GRIN2A: variants seen among roughly 807,000 people sequenced by gnomAD.
GRIN2A encodes glutamate receptor ionotropic, NMDA 2A.
A neutral mutation model predicts 113.4 loss-of-function variants in GRIN2A; 22 were observed. That is an observed-to-expected ratio of 0.19 (90% CI 0.14 to 0.28). The LOEUF is 0.28. GRIN2A is among the 10% of genes least tolerant of loss of function. The pLI is 1.00. For missense variants in GRIN2A, 1,502 were observed against 1,887.0 expected, an observed-to-expected ratio of 0.80 and a Z score of 3.78; for synonymous variants, 827 against 738.4, an observed-to-expected ratio of 1.12 and a Z score of -1.94.
chr16:9,905,957 C>A (rs1160718466), intron 3 of GRIN2A, among the ~76,000 whole-genome samples: 1 of 152,148 alleles, frequency 6.6e-6, no homozygotes, highest in East Asian at 1.9e-4. Flanking sequence ...TTTAAAAGGT[C>A]TAGTAAAGCC....
chr16:9,902,982 T>TG (rs2043960899), intron 3 of GRIN2A, among the ~76,000 whole-genome samples: 2 of 7,248 alleles, frequency 2.8e-4, no homozygotes, highest in Non-Finnish European at 5.4e-4. Flanking sequence ...GGGGGGTGGG[T>TG]GGGGGTGACG....
chr16:9,798,535 T>G, intron 10 of GRIN2A, 71 bp from the exon 11 acceptor site: 1 of 1,163,128 alleles, frequency 8.6e-7, no homozygotes, highest in Non-Finnish European at 1.3e-6. Context: ...TCCTGAGGCC[T>G]GATCCTGAAA....
At chr16:10,128,687 T>C (rs973859017) in intron 2 of GRIN2A, among the ~76,000 whole-genome samples, 1 of 152,338 alleles carries the variant, frequency 6.6e-6, no homozygotes, top group African/African-American at 2.4e-5. Context: ...CCCTCCTTTA[T>C]AAATATCTTT....
intron 2 of GRIN2A, among the ~76,000 whole-genome samples, chr16:9,954,446 T>C (rs1306656539): frequency 6.6e-6 from 1 of 152,170 alleles, no homozygotes; most frequent in Non-Finnish European, 1.5e-5. Context: ...TGATGTCTCC[T>C]CAAGGATTTG....
At position 9,858,426 on chromosome 16, in the gene GRIN2A, C is replaced by A. The variant is rs189683864; in HGVS notation, c.1123-8465G>T. 1.7e-3 allele frequency among the ~76,000 whole-genome samples: 254 copies of A among 151,942 alleles called. 3 individuals are homozygous for A. Among genetic ancestry groups the A allele is most frequent in the Non-Finnish European group, 2.8e-3 (192 of 67,966 alleles). Reference sequence around the variant, plus strand: ...TGGTACTTAAAAGCAGTTCTCAATTCAACAAAATAGGTTGTGTGGGAGGAG... The same window carrying A: ...TGGTACTTAAAAGCAGTTCTCAATTAAACAAAATAGGTTGTGTGGGAGGAG... On this transcript the variant is annotated intron_variant, in intron 4 of 12. Coordinates refer to ENST00000330684, the MANE Select transcript of GRIN2A (RefSeq NM_001134407.3).
chr16:10,103,136 T>C (rs1412453569), intron 2 of GRIN2A, among the ~76,000 whole-genome samples: 2 of 151,784 alleles, frequency 1.3e-5, no homozygotes, highest in Non-Finnish European at 2.9e-5. Flanking sequence ...GAGGAATAGA[T>C]ACTATCAGCA....
intron 4 of GRIN2A, among the ~76,000 whole-genome samples, chr16:9,855,589 G>A (rs1662123626): frequency 6.6e-6 from 1 of 152,168 alleles, no homozygotes; most frequent in Non-Finnish European, 1.5e-5. Context: ...GGTCTTTCAG[G>A]TATAGCACTC....
intron 2 of GRIN2A, among the ~76,000 whole-genome samples, chr16:10,068,978 C>T (rs1457526270): frequency 6.6e-5 from 10 of 152,120 alleles, no homozygotes; most frequent in African/African-American, 2.2e-4. Context: ...AGCACAGGTG[C>T]GTGGTGGGGA....
chr16:9,987,764 G>C (rs1455917682), intron 2 of GRIN2A, among the ~76,000 whole-genome samples: 1 of 152,136 alleles, frequency 6.6e-6, no homozygotes, highest in East Asian at 1.9e-4. Context: ...GAGGATCTAG[G>C]TTGAACTCAG....
At chr16:9,838,197 G>T (rs9938117) in intron 7 of GRIN2A, among the ~76,000 whole-genome samples, 39,632 of 152,040 alleles carry the variant, frequency 0.26, 5,310 homozygotes, top group African/African-American at 0.3. Context: ...AAAAATATAA[G>T]AAAGTTAGTT....
At chr16:10,155,918 C>A (rs2049684250) in intron 2 of GRIN2A, among the ~76,000 whole-genome samples, 1 of 152,142 alleles carries the variant, frequency 6.6e-6, no homozygotes, top group South Asian at 2.1e-4. Flanking sequence ...ATGGAAGCTA[C>A]AATTCAAGGT....
chr16:9,883,607 G>T (rs538724308), intron 4 of GRIN2A, among the ~76,000 whole-genome samples: 64 of 152,172 alleles, frequency 4.2e-4, no homozygotes, highest in Non-Finnish European at 8.7e-4. Flanking sequence ...GGACACTCCG[G>T]GGATAAGAAG....
chr16:9,963,539 A>G lies in GRIN2A; in HGVS notation c.415-24988T>C, dbSNP rs75973060. ...GAGTGAAAACATGTGGTGTTAAACAATTTTTTAAAAAATGTTCTGCATCTC... is the reference window on the plus strand; with the variant it reads ...GAGTGAAAACATGTGGTGTTAAACAGTTTTTTAAAAAATGTTCTGCATCTC... On this transcript the variant is annotated intron_variant, in intron 2 of 12. Coordinates refer to ENST00000330684, the MANE Select transcript of GRIN2A (RefSeq NM_001134407.3). 2.8e-3 allele frequency among the ~76,000 whole-genome samples: 423 copies of G among 152,148 alleles called. 2 individuals carry two copies. Among genetic ancestry groups the G allele is most frequent in the African/African-American group, 9.4e-3 (392 of 41,520 alleles).
chr16:9,910,134 G>A (rs762768338), intron 3 of GRIN2A, among the ~76,000 whole-genome samples: 4 of 151,950 alleles, frequency 2.6e-5, no homozygotes, highest in Non-Finnish European at 5.9e-5. Flanking sequence ...TTACACTTTG[G>A]GTTACTATGA....
intron 3 of GRIN2A, among the ~76,000 whole-genome samples, chr16:9,893,158 C>T (rs574631092): frequency 6.6e-6 from 1 of 152,118 alleles, no homozygotes; most frequent in South Asian, 2.1e-4. Flanking sequence ...ACAGACCATT[C>T]GGGTCATTGA....
intron 7 of GRIN2A, among the ~76,000 whole-genome samples, chr16:9,839,423 G>T (rs1006273830): frequency 6.7e-6 from 1 of 149,366 alleles, no homozygotes; most frequent in Non-Finnish European, 1.5e-5. Context: ...TTACAAAACG[G>T]TTAAAAAAAT....
intron 4 of GRIN2A, among the ~76,000 whole-genome samples, chr16:9,886,649 T>G (rs745953587): frequency 6.6e-6 from 1 of 152,148 alleles, no homozygotes; most frequent in South Asian, 2.1e-4. Context: ...ACTCCAAGCA[T>G]CAAGGATAGG....
intron 11 of GRIN2A, among the ~76,000 whole-genome samples, chr16:9,776,378 G>A (rs1050634326): frequency 6.9e-6 from 1 of 144,626 alleles, no homozygotes; most frequent in African/African-American, 2.6e-5. Flanking sequence ...TATTCTCCTT[G>A]TACCCCCAGT....
At chr16:9,868,170 C>G (rs1282472220) in intron 4 of GRIN2A, among the ~76,000 whole-genome samples, 3 of 152,162 alleles carry the variant, frequency 2.0e-5, no homozygotes, top group African/African-American at 7.2e-5. Flanking sequence ...CAGGCCTTCA[C>G]CTCTCACTGG....
Sources: gnomAD v4.1 joint callset for allele counts (sites outside exome capture counted in the v4.1 genomes callset) on GRCh38, gnomAD v4.1.1 for gene constraint, MANE v1.5 for transcripts, NCBI Gene and HGNC (gene_info 2026-07-23, HGNC 2026-07-21) for gene names.